Variants in HSF5 observed in about 807,000 individuals in gnomAD.
The protein encoded by HSF5 is heat shock transcription factor 5.
HSF5 carries 5 observed loss-of-function variants against 50.8 expected under a neutral mutation model. That is an observed-to-expected ratio of 0.10 (90% CI 0.05 to 0.21). The LOEUF is 0.21. Ranked by LOEUF, HSF5 falls within the 10% of genes least tolerant of loss-of-function variation. The pLI is 1.00. For missense variants in HSF5, 564 were observed against 762.6 expected, an observed-to-expected ratio of 0.74 and a Z score of 3.07; for synonymous variants, 307 against 307.4, an observed-to-expected ratio of 1.00 and a Z score of 0.02.
intron 5 of HSF5, among the ~76,000 whole-genome samples, chr17:58,427,172 CAGG>C (rs1269271800): frequency 6.6e-6 from 1 of 152,092 alleles, no homozygotes; most frequent in Admixed American, 6.6e-5. Flanking sequence ...GAGGCTGAGG[CAGG>C]AGGATAGCTT....
intron 4 of HSF5, 87 bp from the exon 5 acceptor site, chr17:58,459,032 G>T: frequency 1.7e-6 from 2 of 1,178,742 alleles, no homozygotes; most frequent in Non-Finnish European, 2.4e-6. Context: ...GTTCTATTAT[G>T]GGAACATGAT....
intron 1 of HSF5, among the ~76,000 whole-genome samples, chr17:58,483,670 T>A (rs746027200): frequency 4.6e-5 from 7 of 152,256 alleles, no homozygotes; most frequent in Non-Finnish European, 1.0e-4. Flanking sequence ...TCAGATCTGT[T>A]ACTTAGTTTA....
chr17:58,436,383 T>C (rs1433403711), intron 5 of HSF5, among the ~76,000 whole-genome samples: 1 of 152,010 alleles, frequency 6.6e-6, no homozygotes, highest in Non-Finnish European at 1.5e-5. Context: ...AGCTTAATCA[T>C]AACTCATTTT....
At chr17:58,458,334 A>T (rs185475528) in intron 5 of HSF5, among the ~76,000 whole-genome samples, 1 of 152,332 alleles carries the variant, frequency 6.6e-6, no homozygotes, top group African/African-American at 2.4e-5. Flanking sequence ...TGCGCTCAGG[A>T]TAATATCCTA....
intron 3 of HSF5, among the ~76,000 whole-genome samples, chr17:58,466,570 CAT>C (rs1567914976): frequency 1.3e-5 from 2 of 152,034 alleles, no homozygotes; most frequent in Non-Finnish European, 2.9e-5. Context: ...TTTTAATAAC[CAT>C]ATGAGACTAT....
intron 5 of HSF5, among the ~76,000 whole-genome samples, chr17:58,445,524 A>C (rs1380702361): frequency 6.6e-6 from 1 of 152,254 alleles, no homozygotes; most frequent in African/African-American, 2.4e-5. Context: ...TGAATAAACA[A>C]AATGTCATAT....
At chr17:58,428,619 A>G (rs1015901995) in intron 5 of HSF5, among the ~76,000 whole-genome samples, 1 of 152,156 alleles carries the variant, frequency 6.6e-6, no homozygotes, top group African/African-American at 2.4e-5. Flanking sequence ...AGATCACACC[A>G]CTGCACTCCA....
chr17:58,427,413 G>GCTC (rs1390079622), intron 5 of HSF5, among the ~76,000 whole-genome samples: 2 of 152,110 alleles, frequency 1.3e-5, no homozygotes, highest in African/African-American at 4.8e-5. Flanking sequence ...AATATAAGAT[G>GCTC]CTCCTGTTCA....
rs947668590 is a variant in HSF5, at chr17:58,476,984, G to T, written c.925+2909C>A. On this transcript the variant is annotated intron_variant, in intron 2 of 5. Coordinates refer to ENST00000323777, the MANE Select transcript of HSF5 (RefSeq NM_001080439.3). ...GTTGGGAGACGGGGGCGGGGGAAGG[G>T]AAGGCTAAGGGAACAGGCAGGCAGC... 11 of 609,008 alleles carry T rather than the reference G, an allele frequency of 1.8e-5. No homozygotes were observed. In the African/African-American group the frequency reaches 1.9e-4, roughly 10 times the overall value. The allele number at this position is 609,008 out of a possible 1,614,324, so 37.7% of individuals were successfully genotyped here.
intron 5 of HSF5, among the ~76,000 whole-genome samples, chr17:58,448,202 A>G (rs764275766): frequency 6.6e-6 from 1 of 151,860 alleles, no homozygotes; most frequent in African/African-American, 2.4e-5. Flanking sequence ...AGGAGAAAAA[A>G]AGAACTAAAA....
At chr17:58,481,345 T>C (rs910859010) in intron 1 of HSF5, among the ~76,000 whole-genome samples, 4 of 151,804 alleles carry the variant, frequency 2.6e-5, no homozygotes, top group Non-Finnish European at 4.4e-5. Context: ...TTATTAGCAA[T>C]GTAAAAAGGA....
At chr17:58,479,796 G>A in intron 2 of HSF5, 97 bp downstream of exon 2, 1 of 1,091,456 alleles carries the variant, frequency 9.2e-7, no homozygotes, top group Non-Finnish European at 1.3e-6. Flanking sequence ...TACTGTTTGT[G>A]TTAAAGCACA....
At chr17:58,429,350 G>C (rs941853607) in intron 5 of HSF5, among the ~76,000 whole-genome samples, 1 of 152,134 alleles carries the variant, frequency 6.6e-6, no homozygotes, top group African/African-American at 2.4e-5. Flanking sequence ...CATTATGAAT[G>C]TACTATATGC....
chr17:58,477,529 G>A (rs1410574177), intron 2 of HSF5, among the ~76,000 whole-genome samples: 4 of 150,724 alleles, frequency 2.7e-5, no homozygotes, highest in South Asian at 4.2e-4. Context: ...GCGCGATCTC[G>A]GCTCACTGCA....
At chr17:58,446,372 C>G (rs1350933631) in intron 5 of HSF5, among the ~76,000 whole-genome samples, 8 of 152,114 alleles carry the variant, frequency 5.3e-5, no homozygotes, top group Admixed American at 1.3e-4. Flanking sequence ...CACCCTACCC[C>G]CAACCCCACG....
chr17:58,462,690 T>A (rs1974808898), intron 4 of HSF5, 92 bp downstream of exon 4: 1 of 1,274,424 alleles, frequency 7.8e-7, no homozygotes, highest in African/African-American at 1.5e-5. Context: ...TAAACCCAAA[T>A]AAAATCTGAA....
chr17:58,451,430 A>G (rs1032262117), intron 5 of HSF5, among the ~76,000 whole-genome samples: 1 of 152,224 alleles, frequency 6.6e-6, no homozygotes, highest in African/African-American at 2.4e-5. Flanking sequence ...AATAGACCAT[A>G]CGTTAGGCCA....
intron 2 of HSF5, among the ~76,000 whole-genome samples, chr17:58,470,724 G>A (rs977671259): frequency 6.6e-6 from 1 of 152,098 alleles, no homozygotes; most frequent in Non-Finnish European, 1.5e-5. Context: ...TCAGGAGTTC[G>A]AGACCAGCCT....
chr17:58,459,206 T>G (rs1018926118), intron 4 of HSF5, among the ~76,000 whole-genome samples: 1 of 145,088 alleles, frequency 6.9e-6, no homozygotes, highest in Non-Finnish European at 1.5e-5. Flanking sequence ...AAAGTACAGG[T>G]TTTTTTTTTT....
Sources: gnomAD v4.1 joint callset for allele counts (sites outside exome capture counted in the v4.1 genomes callset) on GRCh38, gnomAD v4.1.1 for gene constraint, MANE v1.5 for transcripts, NCBI Gene and HGNC (gene_info 2026-07-23, HGNC 2026-07-21) for gene names.